The following AARS1 variants were observed in gnomAD, a reference collection of about 807,000 sequenced individuals.
AARS1 encodes alanyl-tRNA synthetase 1.
Under a neutral mutation model 108.9 loss-of-function variants are expected in AARS1, and 72 were observed. The ratio of observed to expected loss-of-function variants is 0.66; its 90% CI spans 0.55 to 0.80. AARS1 has a LOEUF of 0.80. Among genes scored for constraint, AARS1 ranks in the 30% least tolerant of loss-of-function variants. The pLI is 0.00. For synonymous variants in AARS1, 489 were observed against 465.7 expected (o/e 1.05, Z -0.64); for missense variants, 1,193 against 1,233.2 (o/e 0.97, Z 0.49).
chr16:70,258,305 G>A (rs1197159196), intron 14 of AARS1, 88 bp from the exon 15 acceptor site: 15 of 1,471,318 alleles, frequency 1.0e-5, no homozygotes, highest in African/African-American at 1.4e-5. Context: ...CTGCAGGCAG[G>A]ACTCGGGTTC....
At chr16:70,280,769 C>G (rs1321823931) in intron 2 of AARS1, among the ~76,000 whole-genome samples, 1 of 152,192 alleles carries the variant, frequency 6.6e-6, no homozygotes, top group Non-Finnish European at 1.5e-5. Context: ...ACTTGTCATG[C>G]TTTCATCATT....
chr16:70,288,692 G>A (rs928448894), intron 1 of AARS1, among the ~76,000 whole-genome samples: 1 of 151,538 alleles, frequency 6.6e-6, no homozygotes, highest in East Asian at 2.0e-4. Flanking sequence ...TCAGCCTCCG[G>A]AGTGGCTGAG....
chr16:70,252,488 G>GT lies in AARS1; in HGVS notation c.*232dup. ...AGAGCCGTTATCTATAGATGCGAGCGTGACGATCAACAGCAATGCGGGGTT... is the reference window on the plus strand; with the variant it reads ...AGAGCCGTTATCTATAGATGCGAGCGTTGACGATCAACAGCAATGCGGGGTT... On this transcript the variant is annotated 3_prime_UTR_variant, in exon 21 of 21. Transcript: ENST00000261772. 3 of 579,588 alleles carry GT rather than the reference G, an allele frequency of 5.2e-6. No individual in the cohort carries two copies. Among genetic ancestry groups the GT allele is most frequent in the South Asian group, 4.0e-5 (2 of 50,062 alleles). 35.9% of individuals were successfully genotyped at this position (579,588 alleles called of 1,614,324 possible).
intron 1 of AARS1, among the ~76,000 whole-genome samples, chr16:70,283,949 C>A (rs1256149906): frequency 1.3e-5 from 2 of 152,114 alleles, no homozygotes; most frequent in African/African-American, 4.8e-5. Context: ...CGGTGGCTCA[C>A]GCCTGTAATC....
In AARS1 at chr16:70,267,699, G is replaced by A; in HGVS notation, c.1182C>T (p.Asp394=). 6.2e-7 allele frequency: 1 copy of A among 1,614,120 alleles called. No homozygotes were observed. The highest frequency in any genetic ancestry group is 8.5e-7 in the Non-Finnish European group (1 of 1,180,034). The change falls in exon 9 of 21, where the codon GAC becomes GAT. Residue 394 remains aspartate, a synonymous_variant. Coordinates refer to ENST00000261772, the MANE Select transcript of AARS1 (RefSeq NM_001605.3). ...KTLSRGRRIL[D]RKIQSLGDSK... ...TGTCTCCCAGGCTCTGAATTTTCCT[G>A]TCCAGGATGCGACGCCCTCTGCTGA...
chr16:70,287,654 G>A (rs1172254657), intron 1 of AARS1, among the ~76,000 whole-genome samples: 2 of 151,850 alleles, frequency 1.3e-5, no homozygotes, highest in Non-Finnish European at 2.9e-5. Context: ...GAGTCCAAAG[G>A]GTCGCTTGAG....
At chr16:70,277,926 T>A (rs1353181437) in intron 2 of AARS1, among the ~76,000 whole-genome samples, 1 of 152,046 alleles carries the variant, frequency 6.6e-6, no homozygotes, top group Admixed American at 6.6e-5. Flanking sequence ...CTAATTTTTG[T>A]ATTTTTAGTA....
chr16:70,258,476 T>A (rs1960048880), intron 14 of AARS1, among the ~76,000 whole-genome samples: 1 of 152,186 alleles, frequency 6.6e-6, no homozygotes, highest in Non-Finnish European at 1.5e-5. Flanking sequence ...TCTCCCAAGG[T>A]GGGGTGGGAC....
In AARS1 at chr16:70,269,673, G is replaced by C. The variant is rs1302363015; in HGVS notation, c.907C>G (p.Arg303Gly). The C allele has an allele frequency of 6.2e-7, 1 of 1,614,126 alleles. No homozygotes were observed. Among genetic ancestry groups the C allele is most frequent in the Non-Finnish European group, 8.5e-7 (1 of 1,180,026 alleles). The change falls in exon 7 of 21, where the codon CGG becomes GGG. Residue 303 changes from arginine (R) to glycine (G), a missense_variant. Arg to Gly is a moderately radical substitution (Grantham distance 125). Coordinates refer to ENST00000261772, the MANE Select transcript of AARS1 (RefSeq NM_001605.3). ...TCAGCCAGTGCCACAGTGATGGTCCGAGCGTGGTCAGCCAGCACCCGGTAG... is the reference window on the plus strand; with the variant it reads ...TCAGCCAGTGCCACAGTGATGGTCCCAGCGTGGTCAGCCAGCACCCGGTAG... The part of the protein sequence containing the change: ...MAYRVLADHA[R>G]TITVALADGG...
chr16:70,263,311 C>A (rs972662617), intron 11 of AARS1, among the ~76,000 whole-genome samples: 1 of 152,166 alleles, frequency 6.6e-6, no homozygotes, highest in African/African-American at 2.4e-5. Context: ...GTGGCTCACA[C>A]CTGTCATCCT....
chr16:70,254,849 A>G (rs915718578), intron 16 of AARS1, 115 bp from the exon 17 acceptor site: 6 of 709,584 alleles, frequency 8.5e-6, no homozygotes, highest in Non-Finnish European at 1.5e-5. Flanking sequence ...ATACCCCAAC[A>G]CCCCAAAAGT....
chr16:70,269,745 A>G lies in AARS1; in HGVS notation c.835T>C (p.Tyr279His), dbSNP rs1232484436. ...AIQKGTGARP[Y>H]TGKVGAEDAD... is the part of the protein sequence containing the mutation. ...TCCTCAGCACCAACTTTCCCAGTGT[A>G]TGGTCGGGCACCTGTGCCCTATAGA... is the stretch of plus-strand genomic sequence containing the variant. Residue 279 changes from tyrosine to histidine, a missense_variant, in exon 7 of 21, where the codon TAC (tyrosine) becomes CAC (histidine). Transcript: ENST00000261772. 2.5e-6 allele frequency: 4 copies of G among 1,613,972 alleles called. No homozygotes were observed. Among genetic ancestry groups the G allele is most frequent in the Non-Finnish European group, 3.4e-6 (4 of 1,180,018 alleles).
At chr16:70,277,231 C>T (rs777431429) in intron 2 of AARS1, 77 bp from the exon 3 acceptor site, 129 of 1,361,376 alleles carry the variant, frequency 9.5e-5, no homozygotes, top group Admixed American at 3.9e-4. Flanking sequence ...CAGGAAGAGA[C>T]GACCACACAC....
At chr16:70,254,834 G>A (rs1959940663) in intron 16 of AARS1, 100 bp from the exon 17 acceptor site, 2 of 776,614 alleles carry the variant, frequency 2.6e-6, no homozygotes, top group Admixed American at 4.0e-5. Context: ...AGGCCTTGCA[G>A]CAACATACCC....
intron 4 of AARS1, among the ~76,000 whole-genome samples, chr16:70,275,772 C>A (rs536997526): frequency 2.7e-5 from 4 of 147,546 alleles, no homozygotes; most frequent in East Asian, 2.0e-4. Flanking sequence ...ACAACAACAA[C>A]AAAAATATAT....
intron 5 of AARS1, among the ~76,000 whole-genome samples, chr16:70,271,040 TACTCAGGAGGCTGAGGCAGGAGA>T (rs986453048): frequency 6.6e-6 from 1 of 151,546 alleles, no homozygotes; most frequent in Non-Finnish European, 1.5e-5. Context: ...TAACCCTAGC[TACTCAGGAGGCTGAGGCAGGAGA>T]ACTCAGCAGG....
chr16:70,287,455 T>C (rs926905036), intron 1 of AARS1, among the ~76,000 whole-genome samples: 3 of 150,556 alleles, frequency 2.0e-5, no homozygotes, highest in African/African-American at 7.3e-5. Context: ...GGTCTCGCTC[T>C]GTCACCCAGG....
At chr16:70,255,950 G>GT in intron 15 of AARS1, 114 bp from the exon 16 acceptor site, 1 of 973,158 alleles carries the variant, frequency 1.0e-6, no homozygotes, top group Non-Finnish European at 1.6e-6. Flanking sequence ...GGAAAGCCTG[G>GT]GCTTGAGAGT....
intron 2 of AARS1, among the ~76,000 whole-genome samples, chr16:70,279,668 A>C (rs1400841367): frequency 9.2e-6 from 1 of 108,712 alleles, no homozygotes; most frequent in Non-Finnish European, 2.0e-5. Flanking sequence ...CTCAAAAAAA[A>C]ACAAAAAAAA....
Sources: gnomAD v4.1 joint callset for allele counts (sites outside exome capture counted in the v4.1 genomes callset) on GRCh38, gnomAD v4.1.1 for gene constraint, MANE v1.5 for transcripts, NCBI Gene and HGNC (gene_info 2026-07-23, HGNC 2026-07-21) for gene names.